Variants in EPC1 observed in about 807,000 individuals in gnomAD.
EPC1 encodes the protein enhancer of polycomb 1, also known as enhancer of polycomb homolog 1.
EPC1 carries 12 observed loss-of-function variants against 98.4 expected under a neutral mutation model. The observed-to-expected ratio is 0.12, with a 90% CI of 0.08 to 0.20. The LOEUF is 0.20. Ranked by LOEUF, EPC1 falls within the 10% of genes least tolerant of loss-of-function variation. The probability of loss-of-function intolerance (pLI) is 1.00; values close to 1 mark genes in which losing one functional copy is unlikely to be tolerated. For missense variants in EPC1, 729 were observed against 990.5 expected (o/e 0.74, Z 3.54); for synonymous variants, 357 against 363.9 (o/e 0.98, Z 0.21).
intron 1 of EPC1, among the ~76,000 whole-genome samples, chr10:32,338,961 A>C (rs1487507670): frequency 1.3e-5 from 2 of 151,028 alleles, no homozygotes; most frequent in Non-Finnish European, 3.0e-5. Flanking sequence ...AAATAAATAA[A>C]TAAAATAATA....
chr10:32,284,477 T>C, intron 10 of EPC1: 2 of 412,052 alleles, frequency 4.9e-6, no homozygotes, highest in Non-Finnish European at 8.5e-6. Flanking sequence ...TAAATAGAAA[T>C]AAACCATCTT....
chr10:32,359,093 T>C (rs1231688083), intron 1 of EPC1, among the ~76,000 whole-genome samples: 1 of 152,198 alleles, frequency 6.6e-6, no homozygotes, highest in Non-Finnish European at 1.5e-5. Context: ...TTATTACCTT[T>C]AGCTCTATAA....
At chr10:32,277,030 C>A (rs1836139813) in intron 10 of EPC1, among the ~76,000 whole-genome samples, 1 of 152,132 alleles carries the variant, frequency 6.6e-6, no homozygotes, top group Non-Finnish European at 1.5e-5. Context: ...GATGAAGAAA[C>A]TTCTGAGGTC....
chr10:32,340,414 TTAAA>T (rs1838265276), intron 1 of EPC1, among the ~76,000 whole-genome samples: 1 of 152,182 alleles, frequency 6.6e-6, no homozygotes, highest in Non-Finnish European at 1.5e-5. Context: ...TCCACTATAT[TTAAA>T]ATACTGTAAG....
At chr10:32,296,556 G>A (rs1038611520) in intron 2 of EPC1, among the ~76,000 whole-genome samples, 7 of 152,192 alleles carry the variant, frequency 4.6e-5, no homozygotes, top group African/African-American at 1.4e-4. Context: ...GGACCTGAGT[G>A]TCTGAGCCCT....
At chr10:32,345,874 C>T (rs1158794135) in intron 1 of EPC1, among the ~76,000 whole-genome samples, 2 of 152,104 alleles carry the variant, frequency 1.3e-5, no homozygotes, top group Non-Finnish European at 2.9e-5. Context: ...GGTCTTTTCT[C>T]CCCCTATGTT....
At chr10:32,367,990 C>T (rs1839647274) in intron 1 of EPC1, among the ~76,000 whole-genome samples, 1 of 152,110 alleles carries the variant, frequency 6.6e-6, no homozygotes, top group Non-Finnish European at 1.5e-5. Flanking sequence ...CTTTTTGGTG[C>T]CCTTATGCTG....
intron 10 of EPC1, chr10:32,283,682 C>T (rs1592544052): frequency 6.6e-6 from 1 of 152,278 alleles, no homozygotes; most frequent in African/African-American, 2.4e-5. Context: ...ATATAACATA[C>T]AAAACATGTA....
rs185697262 is a variant in EPC1 at position 32,363,202 on chromosome 10, C to T, written c.3+15289G>A. On this transcript the variant is annotated intron_variant, in intron 1 of 13. Transcript: ENST00000375110. ...AATCATCCCACCTCAGCCTCCTGAG[C>T]ACCTGGGACTACAGGCATGTGCCAC... Among the ~76,000 whole-genome samples the T allele has an allele frequency of 9.2e-3, 1,399 of 152,158 alleles. 18 individuals carry two copies. The highest frequency in any genetic ancestry group is 0.032 in the African/African-American group (1,337 of 41,502).
At chr10:32,288,680 T>C (rs559911301) in intron 6 of EPC1, among the ~76,000 whole-genome samples, 77 of 152,068 alleles carry the variant, frequency 5.1e-4, no homozygotes, top group African/African-American at 1.8e-3. Context: ...GAGTGGCACA[T>C]ATAGAGGAAA....
chr10:32,317,280 G>T (rs1836611330), intron 1 of EPC1, among the ~76,000 whole-genome samples: 1 of 152,128 alleles, frequency 6.6e-6, no homozygotes, highest in African/African-American at 2.4e-5. Flanking sequence ...ATGAGCCAAT[G>T]AATTATACCA....
intron 9 of EPC1, chr10:32,285,877 T>G (rs1467799946): frequency 6.6e-6 from 1 of 152,182 alleles, no homozygotes; most frequent in African/African-American, 2.4e-5. Flanking sequence ...CGTAGAGAAT[T>G]TTCACTGCTC....
chr10:32,352,084 G>A (rs1017243512), upstream of EPC1, among the ~76,000 whole-genome samples: 12 of 131,554 alleles, frequency 9.1e-5, no homozygotes, highest in African/African-American at 3.2e-4. Context: ...TCGCTCTGTC[G>A]CCCAGGCTGG....
intron 1 of EPC1, among the ~76,000 whole-genome samples, chr10:32,354,913 C>G (rs1839226765): frequency 1.3e-5 from 2 of 152,142 alleles, no homozygotes; most frequent in South Asian, 4.1e-4. Context: ...TCACTGCCTC[C>G]CATCACTGTC....
At chr10:32,317,707 T>C (rs1836637628) in intron 1 of EPC1, among the ~76,000 whole-genome samples, 1 of 152,176 alleles carries the variant, frequency 6.6e-6, no homozygotes, top group Non-Finnish European at 1.5e-5. Flanking sequence ...CTTGTGGTAA[T>C]AGTTTAAGGA....
intron 13 of EPC1, among the ~76,000 whole-genome samples, chr10:32,269,748 G>A (rs1244814518): frequency 1.3e-5 from 2 of 152,204 alleles, no homozygotes; most frequent in Non-Finnish European, 2.9e-5. Flanking sequence ...GCTGACAGAT[G>A]AGCTATATAA....
chr10:32,331,728 G>A (rs1837653716), intron 1 of EPC1, among the ~76,000 whole-genome samples: 1 of 152,228 alleles, frequency 6.6e-6, no homozygotes, highest in South Asian at 2.1e-4. Flanking sequence ...GATAAGACAT[G>A]TTTGTAAATT....
chr10:32,303,983 T>A (rs1835726935), intron 2 of EPC1, among the ~76,000 whole-genome samples: 1 of 152,262 alleles, frequency 6.6e-6, no homozygotes, highest in African/African-American at 2.4e-5. Flanking sequence ...AGCAGCATTA[T>A]CTTTATTAAT....
Position 32,272,358 on chromosome 10 carries a change from A to G in EPC1, c.1864-191T>C, listed in dbSNP as rs1835889900. ...TGATAGTCATATATTTGATAAGTGAAAAGTAATCTAAGTTATAAATTTTGC... is the reference window on the plus strand; with the variant it reads ...TGATAGTCATATATTTGATAAGTGAGAAGTAATCTAAGTTATAAATTTTGC... On this transcript the variant is annotated intron_variant, in intron 11 of 13. Transcript: ENST00000319778. 5.8e-6 allele frequency: 3 copies of G among 513,160 alleles called. No homozygotes were observed. In the South Asian group the frequency reaches 1.1e-4, roughly 18 times the overall value. The allele number at this position is 513,160 out of a possible 1,614,324, so 31.8% of individuals were successfully genotyped here.
Sources: allele counts gnomAD v4.1 joint callset (sites outside exome capture counted in the v4.1 genomes callset), GRCh38; gene constraint gnomAD v4.1.1; transcripts MANE v1.5; gene names NCBI Gene and HGNC (gene_info 2026-07-23, HGNC 2026-07-21).